The following SLC32A1 variants were observed in gnomAD, a reference collection of about 807,000 sequenced individuals.
SLC32A1 encodes the protein solute carrier family 32 member 1.
In SLC32A1, 8 loss-of-function variants were observed where a neutral mutation model predicts 35.5. The ratio of observed to expected loss-of-function variants is 0.23; its 90% CI spans 0.13 to 0.41. The LOEUF (loss-of-function observed/expected upper bound fraction) is 0.41. SLC32A1 is among the 10% of genes least tolerant of loss of function. The pLI is 1.00. For synonymous variants in SLC32A1, 317 were observed against 326.3 expected (o/e 0.97, Z 0.31); for missense variants, 493 against 722.3 (o/e 0.68, Z 3.64).
At position 38,728,722 on chromosome 20, in the gene SLC32A1, C is replaced by T; in HGVS notation, c.*83C>T. 3 of 1,327,766 alleles carry T rather than the reference C, an allele frequency of 2.3e-6. No homozygotes were observed. The South Asian group carries it at 4.4e-5, about 19-fold the overall frequency. 82.2% of individuals were successfully genotyped at this position (1,327,766 alleles called of 1,614,324 possible). A position where few individuals can be genotyped will look rare whatever the true frequency, so the allele number is the denominator to read the frequency against. ...GCCCCCACCAGCCCAGTGCGCCCTG[C>T]CGCCGCGCTTGGGAGGCCAAGCTTT... On this transcript the variant is annotated 3_prime_UTR_variant, in exon 2 of 2. Coordinates refer to ENST00000217420, the MANE Select transcript of SLC32A1 (RefSeq NM_080552.3).
At position 38,727,635 on chromosome 20, in the gene SLC32A1, G is replaced by T. The variant is rs1568628311; in HGVS notation, c.574G>T (p.Ala192Ser). The T allele has an allele frequency of 6.2e-7, 1 of 1,613,914 alleles. No homozygotes were observed. Among genetic ancestry groups the T allele is most frequent in the Non-Finnish European group, 8.5e-7 (1 of 1,180,046 alleles). Reference sequence around the variant, plus strand: ...GGACTCGTACGTGGCCATAGCCAACGCCTGCTGCGCCCCGCGCTTCCCAAC... The same window carrying T: ...GGACTCGTACGTGGCCATAGCCAACTCCTGCTGCGCCCCGCGCTTCCCAAC... The part of the protein sequence containing the change: ...VRDSYVAIAN[A>S]CCAPRFPTLG... The change falls in exon 2 of 2, where the codon GCC becomes TCC. Residue 192 changes from alanine to serine, a missense_variant. Physicochemically the swap from Ala to Ser is moderately conservative, Grantham distance 99. Around this residue, in one of 4 missense-constraint regions of SLC32A1, gnomAD observed 46 missense variants for 39.7 expected, o/e 1.16. Coordinates refer to ENST00000217420, the MANE Select transcript of SLC32A1 (RefSeq NM_080552.3).
Position 38,726,440 on chromosome 20 carries a change from G to A in SLC32A1, c.391-1012G>A, listed in dbSNP as rs930951882. On this transcript the variant is annotated intron_variant, in intron 1 of 1. Coordinates refer to ENST00000217420, the MANE Select transcript of SLC32A1 (RefSeq NM_080552.3). The surrounding 1 kb of genome is among the most constrained non-coding windows in gnomAD (Gnocchi z 4.7). Reference sequence around the variant, plus strand: ...CTTCGCTGTGCCCCGCGACTTCCCGGGGCGTCTTTCAAGGCTCCGTTTGAT... The same window carrying A: ...CTTCGCTGTGCCCCGCGACTTCCCGAGGCGTCTTTCAAGGCTCCGTTTGAT... Among the ~76,000 whole-genome samples, 29 of 152,156 alleles carry A rather than the reference G, an allele frequency of 1.9e-4. No individual in the cohort carries two copies. Among genetic ancestry groups the A allele is most frequent in the Admixed American group, 1.8e-3 (28 of 15,290 alleles).
chr20:38,724,720 C>G lies in SLC32A1; in HGVS notation c.-5C>G. The G allele has an allele frequency of 6.3e-7, 1 of 1,597,216 alleles. No homozygotes were observed. The highest frequency in any genetic ancestry group is 8.5e-7 in the Non-Finnish European group (1 of 1,172,086). On this transcript the variant is annotated 5_prime_UTR_variant, in exon 1 of 2. Coordinates refer to ENST00000217420, the MANE Select transcript of SLC32A1 (RefSeq NM_080552.3). ...TCTGTCCTTTCCGCTGTCCCCACCG[C>G]CGCCATGGCCACCTTGCTCCGCAGC...
At chr20:38,725,574 A>T (rs1568627861) in intron 1 of SLC32A1, among the ~76,000 whole-genome samples, 1 of 152,118 alleles carries the variant, frequency 6.6e-6, no homozygotes, top group Non-Finnish European at 1.5e-5. Flanking sequence ...ACACGTATAT[A>T]GGCAGGCACA....
Position 38,728,381 on chromosome 20 carries a change from C to G in SLC32A1, c.1320C>G (p.Val440=), listed in dbSNP as rs1343198568. 1 of 1,610,942 alleles carries G rather than the reference C, an allele frequency of 6.2e-7. No individual in the cohort carries two copies. The highest frequency in any genetic ancestry group is 1.1e-5 in the South Asian group (1 of 91,026). The change falls in exon 2 of 2, where the codon GTC becomes GTG. Residue 440 remains valine, a synonymous_variant. Coordinates refer to ENST00000217420, the MANE Select transcript of SLC32A1 (RefSeq NM_080552.3). ...GGCTGACGCTGCGCTGCGCGCTCGT[C>G]GTCTTCACGCTGCTCATGGCCATTT... ...SWGLTLRCAL[V]VFTLLMAIYV...
chr20:38,727,344 G>A, intron 1 of SLC32A1, 108 bp from the exon 2 acceptor site: 1 of 1,064,766 alleles, frequency 9.4e-7, no homozygotes, highest in Non-Finnish European at 1.4e-6. Context: ...AATTCTCAGT[G>A]TCCTTAGCGC....
chr20:38,727,392 C>A, intron 1 of SLC32A1, 60 bp from the exon 2 acceptor site: 1 of 1,513,068 alleles, frequency 6.6e-7, no homozygotes. Flanking sequence ...GCCCCCCGGG[C>A]CCCTCATCCG....
Position 38,727,946 on chromosome 20 carries a change from G to C in SLC32A1, c.885G>C (p.Glu295Asp), listed in dbSNP as rs1243113122. ...CGCGGGCGCGCGACTGGGCCTGGGA[G>C]AAGGTCAAGTTCTACATCGACGTCA... Reference protein sequence around the residue: ...CLSRARDWAWEKVKFYIDVKK... With the variant: ...CLSRARDWAWDKVKFYIDVKK... Residue 295 changes from glutamate to aspartate, a missense_variant, in exon 2 of 2, where the codon GAG (glutamate) becomes GAC (aspartate). By Grantham distance (45) the Glu-to-Asp change is conservative. Around this residue, in one of 4 missense-constraint regions of SLC32A1, gnomAD observed 269 missense variants for 445.6 expected, o/e 0.60. Coordinates refer to ENST00000217420, the MANE Select transcript of SLC32A1 (RefSeq NM_080552.3). 1.2e-6 allele frequency: 2 copies of C among 1,614,066 alleles called. No homozygotes were observed. Among genetic ancestry groups the C allele is most frequent in the African/African-American group, 2.7e-5 (2 of 74,944 alleles).
In SLC32A1 at chr20:38,728,711, A is replaced by G. The variant is rs1260337880; in HGVS notation, c.*72A>G. The G allele has an allele frequency of 2.4e-5, 32 of 1,312,966 alleles. No homozygotes were observed. Among genetic ancestry groups the G allele is most frequent in the Non-Finnish European group, 3.1e-5 (31 of 996,048 alleles). The allele number at this position is 1,312,966 out of a possible 1,614,324, so 81.3% of individuals were successfully genotyped here. On this transcript the variant is annotated 3_prime_UTR_variant, in exon 2 of 2. Coordinates refer to ENST00000217420, the MANE Select transcript of SLC32A1 (RefSeq NM_080552.3). ...CCCCTCACCCCGCCCCCACCAGCCCAGTGCGCCCTGCCGCCGCGCTTGGGA... is the reference window on the plus strand; with the variant it reads ...CCCCTCACCCCGCCCCCACCAGCCCGGTGCGCCCTGCCGCCGCGCTTGGGA...
At position 38,724,591 on chromosome 20, in the gene SLC32A1, G is replaced by A; in HGVS notation, c.-134G>A. Reference sequence around the variant, plus strand: ...CGAACGCCAGCTGCGAGGGTCATGAGCCAGAGAGCCCCGGGGCGCCGCGCG... The same window carrying A: ...CGAACGCCAGCTGCGAGGGTCATGAACCAGAGAGCCCCGGGGCGCCGCGCG... On this transcript the variant is annotated 5_prime_UTR_variant, in exon 1 of 2. Transcript: ENST00000217420. 1.8e-6 allele frequency: 2 copies of A among 1,135,966 alleles called. No individual in the cohort carries two copies. The highest frequency in any genetic ancestry group is 2.4e-6 in the Non-Finnish European group (2 of 823,140). 70.4% of individuals were successfully genotyped at this position (1,135,966 alleles called of 1,614,324 possible). A position where few individuals can be genotyped will look rare whatever the true frequency, so the allele number is the denominator to read the frequency against.
chr20:38,727,294 C>A (rs1464631996), intron 1 of SLC32A1, among the ~76,000 whole-genome samples, 158 bp from the exon 2 acceptor site: 3 of 152,186 alleles, frequency 2.0e-5, no homozygotes, highest in East Asian at 1.9e-4. Context: ...ATCCACCCCG[C>A]AGCCTGCTCT....
rs1380430578 is a variant in SLC32A1 at position 38,727,494 on chromosome 20, G to C, written c.433G>C (p.Gly145Arg). 1 of 1,609,030 alleles carries C rather than the reference G, an allele frequency of 6.2e-7. No individual in the cohort carries two copies. Among genetic ancestry groups the C allele is most frequent in the Admixed American group, 1.7e-5 (1 of 60,028 alleles). The change falls in exon 2 of 2, where the codon GGC becomes CGC. Residue 145 changes from glycine (G) to arginine (R), a missense_variant. Physicochemically the swap from Gly to Arg is moderately radical, Grantham distance 125. This residue lies in a region of SLC32A1 where 45 missense variants were observed against 91.1 expected (regional missense o/e 0.49). Coordinates refer to ENST00000217420, the MANE Select transcript of SLC32A1 (RefSeq NM_080552.3). ...LGLPYAILHG[G>R]YLGLFLIIFA... ...CCTACCCTACGCCATCCTGCACGGCGGCTACCTGGGGTTGTTTCTCATCAT... is the reference window on the plus strand; with the variant it reads ...CCTACCCTACGCCATCCTGCACGGCCGCTACCTGGGGTTGTTTCTCATCAT...
chr20:38,728,389 C>T lies in SLC32A1; in HGVS notation c.1328C>T (p.Thr443Met), dbSNP rs892354307. 1 of 1,610,912 alleles carries T rather than the reference C, an allele frequency of 6.2e-7. No homozygotes were observed. Among genetic ancestry groups the T allele is most frequent in the Admixed American group, 1.7e-5 (1 of 59,940 alleles). Residue 443 changes from threonine to methionine, a missense_variant, in exon 2 of 2, where the codon ACG (threonine) becomes ATG (methionine). By Grantham distance (81) the Thr-to-Met change is moderately conservative (BLOSUM62 -1). This residue lies in a region of SLC32A1 where 269 missense variants were observed against 445.6 expected (regional missense o/e 0.60). Coordinates refer to ENST00000217420, the MANE Select transcript of SLC32A1 (RefSeq NM_080552.3). ...LTLRCALVVF[T>M]LLMAIYVPHF... ...CTGCGCTGCGCGCTCGTCGTCTTCA[C>T]GCTGCTCATGGCCATTTATGTGCCG... is the stretch of plus-strand genomic sequence containing the variant.
rs896867056 is a variant in SLC32A1 at position 38,726,052 on chromosome 20, AC to A, written c.390+944del. Among the ~76,000 whole-genome samples the A allele has an allele frequency of 6.7e-6, 1 of 150,248 alleles. No individual in the cohort carries two copies. Among genetic ancestry groups the A allele is most frequent in the Non-Finnish European group, 1.5e-5 (1 of 67,550 alleles). On this transcript the variant is annotated intron_variant, in intron 1 of 1. Coordinates refer to ENST00000217420, the MANE Select transcript of SLC32A1 (RefSeq NM_080552.3). This position sits in a 1 kb window ranked among gnomAD's most constrained non-coding sequence, Gnocchi z 4.7. ...TCTAGGCCCTCTCCCCTTATTCCTA[AC>A]CCCCCACTCCCCACCAGGCGGCGCA...
intron 1 of SLC32A1, among the ~76,000 whole-genome samples, chr20:38,725,320 G>C (rs1409907113): frequency 6.6e-6 from 1 of 152,168 alleles, no homozygotes; most frequent in Non-Finnish European, 1.5e-5. Context: ...CCCTCCCAAC[G>C]GCACCAGCTG....
At chr20:38,725,225 C>T (rs2084270628) in intron 1 of SLC32A1, 111 bp downstream of exon 1, 3 of 1,314,744 alleles carry the variant, frequency 2.3e-6, no homozygotes. Flanking sequence ...CCCTCCTGTA[C>T]CCAGGAATCT....
In SLC32A1 at chr20:38,727,506, T is replaced by C. The variant is rs771130109; in HGVS notation, c.445T>C (p.Leu149=). 10 of 1,608,790 alleles carry C rather than the reference T, an allele frequency of 6.2e-6. No homozygotes were observed. Among genetic ancestry groups the C allele is most frequent in the Non-Finnish European group, 8.5e-6 (10 of 1,180,016 alleles). ...YAILHGGYLG[L]FLIIFAAVVC... is the part of the protein sequence containing the mutation. ...CATCCTGCACGGCGGCTACCTGGGG[T>C]TGTTTCTCATCATCTTCGCCGCCGT... The change falls in exon 2 of 2, where the codon TTG becomes CTG. Residue 149 remains leucine, a synonymous_variant. Coordinates refer to ENST00000217420, the MANE Select transcript of SLC32A1 (RefSeq NM_080552.3).
intron 1 of SLC32A1, among the ~76,000 whole-genome samples, chr20:38,725,561 C>T (rs935016749): frequency 9.2e-5 from 14 of 152,246 alleles, no homozygotes; most frequent in Admixed American, 7.2e-4. Flanking sequence ...CGCATAGACA[C>T]GCACACGTAT....
chr20:38,726,569 C>T lies in SLC32A1; in HGVS notation c.391-883C>T, dbSNP rs2084277071. ...CCGTGTGGATTCTAAACCCTACAGC[C>T]CTGTCCGCCTGACCCTGAAGCTTCT... On this transcript the variant is annotated intron_variant, in intron 1 of 1. Coordinates refer to ENST00000217420, the MANE Select transcript of SLC32A1 (RefSeq NM_080552.3). The surrounding 1 kb of genome is among the most constrained non-coding windows in gnomAD (Gnocchi z 4.7). Among the ~76,000 whole-genome samples the T allele has an allele frequency of 6.6e-6, 1 of 152,176 alleles. No homozygotes were observed. The highest frequency in any genetic ancestry group is 2.4e-5 in the African/African-American group (1 of 41,454).
Sources: gnomAD v4.1 joint callset for allele counts (sites outside exome capture counted in the v4.1 genomes callset) on GRCh38, gnomAD v4.1.1 for gene constraint, gnomAD v4.1.1 regional missense constraint, Gnocchi (gnomAD v3.1) non-coding constraint, MANE v1.5 for transcripts, NCBI Gene and HGNC (gene_info 2026-07-23, HGNC 2026-07-21) for gene names.